Variants in CDH26 observed in about 807,000 individuals in gnomAD.
The protein encoded by CDH26 is cadherin 26.
CDH26 carries 83 observed loss-of-function variants against 90.3 expected under a neutral mutation model. The observed-to-expected ratio is 0.92, with a 90% CI of 0.77 to 1.10. The LOEUF (loss-of-function observed/expected upper bound fraction) is 1.10. CDH26 is among the 50% of genes least tolerant of loss of function. CDH26 has a pLI of 0.00. For synonymous variants in CDH26, 397 were observed against 396.3 expected, an observed-to-expected ratio of 1.00 and a Z score of -0.02; for missense variants, 1,013 against 1,037.6, an observed-to-expected ratio of 0.98 and a Z score of 0.33.
In CDH26 at chr20:59,992,485, G is replaced by A; in HGVS notation, c.1391G>A (p.Ser464Asn). The change falls in exon 10 of 18, where the codon AGT (serine) becomes AAT (asparagine). Residue 464 changes from serine (S) to asparagine (N), a missense_variant. Transcript: ENST00000348616. The surrounding 1 kb of genome is among the most constrained non-coding windows in gnomAD (Gnocchi z 5.0). ...IDRESPHVNN[S>N]FYVIIIHAVD... The stretch of plus-strand genomic sequence containing the variant: ...CGAGAATCCCCTCATGTAAATAACA[G>A]TTTTTATGTAATCATCATTCACGCT... 1 of 1,614,070 alleles carries A rather than the reference G, an allele frequency of 6.2e-7. No homozygotes were observed. Among genetic ancestry groups the A allele is most frequent in the Non-Finnish European group, 8.5e-7 (1 of 1,180,014 alleles).
intron 11 of CDH26, 111 bp downstream of exon 11, chr20:59,994,600 G>T (rs2061569186): frequency 7.4e-6 from 10 of 1,352,880 alleles, no homozygotes; most frequent in Non-Finnish European, 1.0e-5. Flanking sequence ...AGAGGTCTGC[G>T]TTCTGGCAGA....
intron 4 of CDH26, among the ~76,000 whole-genome samples, chr20:59,973,581 T>C (rs936442016): frequency 6.6e-6 from 1 of 152,144 alleles, no homozygotes; most frequent in African/African-American, 2.4e-5. Context: ...CCAGTGTCTG[T>C]TTCCTTCTGT....
chr20:60,026,744 G>A (rs575857454), intron 7 of CDH26, among the ~76,000 whole-genome samples: 49 of 152,352 alleles, frequency 3.2e-4, no homozygotes, highest in Admixed American at 1.2e-3. Flanking sequence ...TCAGGGCAGA[G>A]AACAAGCTGA....
chr20:60,031,128 T>G, intron 7 of CDH26: 1 of 1,011,212 alleles, frequency 9.9e-7, no homozygotes, highest in Non-Finnish European at 1.2e-6. Flanking sequence ...ATGGCATTTG[T>G]AAACTGTCAT....
intron 13 of CDH26, 132 bp from the exon 14 acceptor site, chr20:59,999,454 A>G: frequency 1.6e-6 from 1 of 644,904 alleles, no homozygotes; most frequent in Non-Finnish European, 2.6e-6. Flanking sequence ...TGTATTTTTT[A>G]CAGTCTGGAC....
intron 17 of CDH26, among the ~76,000 whole-genome samples, chr20:60,010,463 G>A (rs1173321865): frequency 6.6e-6 from 1 of 152,122 alleles, no homozygotes; most frequent in Non-Finnish European, 1.5e-5. Context: ...ACCCTCTAGA[G>A]GTATTAGAAG....
intron 7 of CDH26, among the ~76,000 whole-genome samples, chr20:60,027,777 C>G (rs535515096): frequency 4.2e-4 from 64 of 152,268 alleles, no homozygotes; most frequent in African/African-American, 1.5e-3. Context: ...GGAAATGTGT[C>G]TACCAAGCTG....
intron 14 of CDH26, among the ~76,000 whole-genome samples, chr20:60,001,071 G>A (rs6027231): frequency 4.6e-5 from 7 of 152,164 alleles, no homozygotes; most frequent in Middle Eastern, 3.2e-3. Context: ...GCAGTTTTCA[G>A]GTGTCTGTGT....
chr20:59,982,769 A>C (rs140688138), intron 4 of CDH26, among the ~76,000 whole-genome samples, 154 bp from the exon 5 acceptor site: 1 of 152,210 alleles, frequency 6.6e-6, no homozygotes, highest in African/African-American at 2.4e-5. Flanking sequence ...TCTCTGGGGT[A>C]CTTGGTAAAT....
intron 15 of CDH26, 45 bp downstream of exon 15, chr20:60,001,456 G>T: frequency 6.2e-7 from 1 of 1,605,366 alleles, no homozygotes; most frequent in South Asian, 1.1e-5. Context: ...TCTCACTAGT[G>T]ACTAACAGTT....
At position 59,984,868 on chromosome 20, in the gene CDH26, T is replaced by G. The variant is rs925875112; in HGVS notation, c.708+63T>G. On this transcript the variant is annotated intron_variant, in intron 6 of 17. Coordinates refer to ENST00000348616, the MANE Select transcript of CDH26 (RefSeq NM_177980.4). ...GTGGCCCATCCTTGAGCCCCAGGCT[T>G]AGATTCTACATTTGTAGTGGGGAAC... is the stretch of plus-strand genomic sequence containing the variant. 3.2e-6 allele frequency: 5 copies of G among 1,570,844 alleles called. No individual in the cohort carries two copies. In the African/African-American group the frequency reaches 6.8e-5, roughly 21 times the overall value.
At chr20:59,959,435 T>C (rs1421592552) in intron 1 of CDH26, among the ~76,000 whole-genome samples, 1 of 149,846 alleles carries the variant, frequency 6.7e-6, no homozygotes, top group Non-Finnish European at 1.5e-5. Context: ...TGAGACAGGG[T>C]CTCGTCATCC....
chr20:59,967,578 G>A (rs2061165693), intron 1 of CDH26, among the ~76,000 whole-genome samples: 1 of 152,100 alleles, frequency 6.6e-6, no homozygotes. Context: ...AATACCCCGT[G>A]TGAAAATTTA....
Position 59,988,975 on chromosome 20 carries a change from C to T in CDH26, c.1095C>T (p.Phe365=), listed in dbSNP as rs2061492625. 3.1e-6 allele frequency: 5 copies of T among 1,614,026 alleles called. No individual in the cohort carries two copies. Among genetic ancestry groups the T allele is most frequent in the South Asian group, 1.1e-5 (1 of 91,086 alleles). The change falls in exon 9 of 18, where the codon TTC becomes TTT. Residue 365 remains phenylalanine, a synonymous_variant. Coordinates refer to ENST00000348616, the MANE Select transcript of CDH26 (RefSeq NM_177980.4). ...IVVENEERLV[F]CERGKLQPPR... is the part of the protein sequence containing the mutation. ...TGGAGAATGAGGAGAGGCTCGTCTT[C>T]TGTGAGAGAGGAAAGCTTCAGCCGC... is the stretch of plus-strand genomic sequence containing the variant.
intron 4 of CDH26, among the ~76,000 whole-genome samples, chr20:59,974,096 T>C (rs1437534488): frequency 2.6e-5 from 4 of 152,228 alleles, no homozygotes; most frequent in Admixed American, 2.6e-4. Flanking sequence ...TTCTGACTGG[T>C]GTGAGATGGT....
Position 60,012,787 on chromosome 20 carries a change from G to C in CDH26, c.*57G>C. On this transcript the variant is annotated 3_prime_UTR_variant, in exon 18 of 18. Coordinates refer to ENST00000348616, the MANE Select transcript of CDH26 (RefSeq NM_177980.4). ...ATTCATGGAAGGGAATCACTATTCAGGGATTTTTCCCCTTTGCTCTTCTTT... is the reference window on the plus strand; with the variant it reads ...ATTCATGGAAGGGAATCACTATTCACGGATTTTTCCCCTTTGCTCTTCTTT... 3 of 1,536,564 alleles carry C rather than the reference G, an allele frequency of 2.0e-6. No homozygotes were observed. The highest frequency in any genetic ancestry group is 1.2e-5 in the South Asian group (1 of 86,512).
intron 16 of CDH26, 61 bp from the exon 17 acceptor site, chr20:60,006,650 CAG>C: frequency 1.7e-6 from 2 of 1,211,908 alleles, no homozygotes; most frequent in Non-Finnish European, 1.2e-6. Flanking sequence ...CACTGACACA[CAG>C]GGGTTGGGGG....
intron 14 of CDH26, 46 bp downstream of exon 14, chr20:59,999,709 C>T: frequency 1.3e-6 from 2 of 1,580,104 alleles, no homozygotes; most frequent in Non-Finnish European, 1.7e-6. Context: ...AAGTGACTTT[C>T]CTGGTGGTTT....
intron 4 of CDH26, among the ~76,000 whole-genome samples, chr20:59,978,313 C>T (rs934512496): frequency 3.3e-5 from 5 of 151,854 alleles, no homozygotes; most frequent in Admixed American, 2.6e-4. Context: ...AACTGTCCCC[C>T]AAAGTGGCTG....
Sources: allele counts gnomAD v4.1 joint callset (sites outside exome capture counted in the v4.1 genomes callset), GRCh38; gene constraint gnomAD v4.1.1; non-coding constraint Gnocchi (gnomAD v3.1); transcripts MANE v1.5; gene names NCBI Gene and HGNC (gene_info 2026-07-23, HGNC 2026-07-21).